Variants in GRIK3 observed in about 807,000 individuals in gnomAD.
GRIK3 encodes the protein glutamate receptor ionotropic, kainate 3.
A neutral mutation model predicts 102.5 loss-of-function variants in GRIK3; 29 were observed. That is an observed-to-expected ratio of 0.28 (90% CI 0.21 to 0.39). The LOEUF is 0.39. Among genes scored for constraint, GRIK3 ranks in the 10% least tolerant of loss-of-function variants. GRIK3 has a pLI of 1.00. For synonymous variants in GRIK3, 511 were observed against 504.9 expected (o/e 1.01, Z -0.16); for missense variants, 908 against 1,252.4 (o/e 0.73, Z 4.15).
intron 4 of GRIK3, among the ~76,000 whole-genome samples, chr1:36,870,804 CCT>C (rs1157978539): frequency 1.3e-5 from 2 of 152,088 alleles, no homozygotes; most frequent in African/African-American, 2.4e-5. Flanking sequence ...AAGAATTCTC[CCT>C]GTTTCCCAGT....
rs1190499508 is a variant in GRIK3, at chr1:36,819,714, G to A, written c.1873+22C>T. 5.8e-6 allele frequency: 7 copies of A among 1,210,778 alleles called. No individual in the cohort carries two copies. The highest frequency in any genetic ancestry group is 7.4e-6 in the Non-Finnish European group (6 of 811,906). 75.0% of individuals were successfully genotyped at this position (1,210,778 alleles called of 1,614,324 possible). A position where few individuals can be genotyped will look rare whatever the true frequency, so the allele number is the denominator to read the frequency against. The stretch of plus-strand genomic sequence containing the variant: ...GGGGAAAGCAGACCCTGGAAGGGGA[G>A]GCCCTGGGAGAGGGTGCATACCTTG... On this transcript the variant is annotated intron_variant, in intron 12 of 15. Transcript: ENST00000373091. This position sits in a 1 kb window ranked among gnomAD's most constrained non-coding sequence, Gnocchi z 4.1.
intron 1 of GRIK3, among the ~76,000 whole-genome samples, chr1:37,026,949 CA>C (rs1569582579): frequency 6.6e-6 from 1 of 151,630 alleles, no homozygotes; most frequent in African/African-American, 2.4e-5. Context: ...TTATTGACTC[CA>C]AAAAAAATCA....
intron 10 of GRIK3, among the ~76,000 whole-genome samples, chr1:36,836,796 T>C (rs144280269): frequency 2.0e-5 from 3 of 152,274 alleles, no homozygotes; most frequent in African/African-American, 4.8e-5. Context: ...GCCTCCCTCT[T>C]GCTCTGATGC....
At chr1:36,926,106 TCA>T (rs968126800) in intron 1 of GRIK3, among the ~76,000 whole-genome samples, 1 of 152,218 alleles carries the variant, frequency 6.6e-6, no homozygotes, top group African/African-American at 2.4e-5. Context: ...ATCCCTGAGA[TCA>T]CAGTGATTCC....
chr1:36,854,583 G>A (rs901318252), intron 7 of GRIK3, among the ~76,000 whole-genome samples: 2 of 152,136 alleles, frequency 1.3e-5, no homozygotes, highest in African/African-American at 4.8e-5. Flanking sequence ...TTCTGTAAAT[G>A]GTTTATTAGC....
intron 1 of GRIK3, among the ~76,000 whole-genome samples, chr1:36,964,763 C>T (rs961240660): frequency 5.9e-5 from 9 of 152,136 alleles, no homozygotes; most frequent in Non-Finnish European, 1.3e-4. Context: ...ATGACCAGCA[C>T]AGCCATCACT....
chr1:36,815,903 G>A (rs1446005980), intron 13 of GRIK3, among the ~76,000 whole-genome samples: 3 of 152,056 alleles, frequency 2.0e-5, no homozygotes, highest in Non-Finnish European at 4.4e-5. Context: ...GGGATTACAG[G>A]TGCACGTCAC....
chr1:36,857,137 A>C (rs1217050597), intron 7 of GRIK3, among the ~76,000 whole-genome samples: 1 of 152,168 alleles, frequency 6.6e-6, no homozygotes, highest in Non-Finnish European at 1.5e-5. Flanking sequence ...ATCCAGTTAA[A>C]AAGTGGTGAA....
intron 1 of GRIK3, among the ~76,000 whole-genome samples, chr1:36,996,251 T>G (rs1464797871): frequency 1.3e-5 from 2 of 152,262 alleles, no homozygotes; most frequent in African/African-American, 4.8e-5. Flanking sequence ...CCTTGATTTC[T>G]TCACCCATAA....
chr1:36,822,942 C>T (rs1173459755), intron 11 of GRIK3, among the ~76,000 whole-genome samples: 1 of 152,188 alleles, frequency 6.6e-6, no homozygotes, highest in African/African-American at 2.4e-5. Flanking sequence ...AATGCCTGGT[C>T]CCCTGGTGTG....
chr1:36,929,818 G>C (rs970478989), intron 1 of GRIK3, among the ~76,000 whole-genome samples: 1 of 152,258 alleles, frequency 6.6e-6, no homozygotes, highest in African/African-American at 2.4e-5. Context: ...AAATTCAGAA[G>C]CAACTTCGTT....
intron 1 of GRIK3, among the ~76,000 whole-genome samples, chr1:37,003,065 T>C (rs1462392382): frequency 6.6e-6 from 1 of 150,910 alleles, no homozygotes; most frequent in African/African-American, 2.4e-5. Context: ...GGTGACTTTT[T>C]CCCCATAGGA....
At chr1:36,855,321 C>T (rs1640638110) in intron 7 of GRIK3, among the ~76,000 whole-genome samples, 1 of 152,196 alleles carries the variant, frequency 6.6e-6, no homozygotes, top group Non-Finnish European at 1.5e-5. Context: ...CTGCGGAATG[C>T]CCCCAGCACC....
intron 5 of GRIK3, among the ~76,000 whole-genome samples, chr1:36,863,505 G>A (rs559701034): frequency 1.1e-4 from 17 of 152,050 alleles, no homozygotes; most frequent in Non-Finnish European, 2.1e-4. Context: ...CAGGATGCAA[G>A]TTCAGGCCTT....
At chr1:37,003,362 A>C (rs1044022432) in intron 1 of GRIK3, among the ~76,000 whole-genome samples, 3 of 152,226 alleles carry the variant, frequency 2.0e-5, no homozygotes, top group Non-Finnish European at 4.4e-5. Flanking sequence ...CCAATGGCCC[A>C]AATTATACTT....
chr1:36,910,176 T>A (rs1305440152), intron 1 of GRIK3, among the ~76,000 whole-genome samples: 1 of 152,224 alleles, frequency 6.6e-6, no homozygotes, highest in Non-Finnish European at 1.5e-5. Flanking sequence ...CAGGCAGGAC[T>A]TAAGGCCTGC....
intron 1 of GRIK3, among the ~76,000 whole-genome samples, chr1:36,931,898 T>C (rs1032309257): frequency 5.9e-5 from 9 of 152,164 alleles, no homozygotes; most frequent in Non-Finnish European, 1.2e-4. Context: ...AAATTGTCCA[T>C]CACATTTTTC....
At chr1:36,911,436 C>T (rs1206176740) in intron 1 of GRIK3, among the ~76,000 whole-genome samples, 1 of 152,256 alleles carries the variant, frequency 6.6e-6, no homozygotes, top group East Asian at 1.9e-4. Context: ...ACCTAAAGCA[C>T]ATTGTATGCC....
intron 1 of GRIK3, among the ~76,000 whole-genome samples, chr1:37,024,574 C>T (rs1642748426): frequency 6.6e-6 from 1 of 151,320 alleles, no homozygotes; most frequent in Non-Finnish European, 1.5e-5. Flanking sequence ...GAAACCCCAT[C>T]TCTACTAAAA....
Sources: gnomAD v4.1 joint callset for allele counts (sites outside exome capture counted in the v4.1 genomes callset) on GRCh38, gnomAD v4.1.1 for gene constraint, Gnocchi (gnomAD v3.1) non-coding constraint, MANE v1.5 for transcripts, NCBI Gene and HGNC (gene_info 2026-07-23, HGNC 2026-07-21) for gene names.